EIPR1: variants seen among roughly 807,000 people sequenced by gnomAD.
The protein encoded by EIPR1 is EARP complex and GARP complex interacting protein 1.
In EIPR1, 25 loss-of-function variants were observed where a neutral mutation model predicts 48.1. The ratio of observed to expected loss-of-function variants is 0.52; its 90% confidence interval spans 0.38 to 0.73. EIPR1 has a LOEUF of 0.73. Ranked by LOEUF, EIPR1 falls within the 30% of genes least tolerant of loss-of-function variation. EIPR1 has a pLI of 0.00. For synonymous variants in EIPR1, 204 were observed against 201.9 expected, an observed-to-expected ratio of 1.01 and a Z score of -0.09; for missense variants, 415 against 506.2, an observed-to-expected ratio of 0.82 and a Z score of 1.73.
At chr2:3,283,002 C>T (rs1558271472) in intron 3 of EIPR1, among the ~76,000 whole-genome samples, 2 of 152,194 alleles carry the variant, frequency 1.3e-5, no homozygotes, top group East Asian at 3.8e-4. Flanking sequence ...GGTGATCTGT[C>T]CTTTTACTTA....
intron 3 of EIPR1, among the ~76,000 whole-genome samples, chr2:3,266,464 G>T (rs1172209066): frequency 6.6e-6 from 1 of 152,242 alleles, no homozygotes; most frequent in South Asian, 2.1e-4. Context: ...ATGCCTTAGG[G>T]ATGGCACCAT....
chr2:3,263,080 G>C (rs994600484), intron 3 of EIPR1, among the ~76,000 whole-genome samples: 1 of 152,242 alleles, frequency 6.6e-6, no homozygotes, highest in Admixed American at 6.5e-5. Context: ...CTGCTTTACA[G>C]ATCAATGAGT....
At chr2:3,192,704 GCC>G (rs1477950856) in intron 7 of EIPR1, 123 bp from the exon 8 acceptor site, 1 of 960,912 alleles carries the variant, frequency 1.0e-6, no homozygotes, top group Non-Finnish European at 1.5e-6. Flanking sequence ...CAGGCAATCG[GCC>G]CCCAGTCACA....
chr2:3,277,061 G>C (rs554514542), intron 3 of EIPR1, among the ~76,000 whole-genome samples: 1 of 152,280 alleles, frequency 6.6e-6, no homozygotes, highest in African/African-American at 2.4e-5. Context: ...GGAAAACTCG[G>C]GTGAATGTAC....
intron 2 of EIPR1, among the ~76,000 whole-genome samples, chr2:3,341,620 T>C (rs920035313): frequency 1.3e-5 from 2 of 150,398 alleles, no homozygotes; most frequent in Non-Finnish European, 3.0e-5. Flanking sequence ...TGTGGGTACA[T>C]GGCTATGGTG....
intron 4 of EIPR1, among the ~76,000 whole-genome samples, chr2:3,225,051 T>A (rs548020504): frequency 1.3e-5 from 2 of 152,332 alleles, no homozygotes; most frequent in South Asian, 4.1e-4. Context: ...GTTACGTGCA[T>A]ATCTATTTAC....
At chr2:3,195,900 C>T (rs1263952437) in intron 6 of EIPR1, among the ~76,000 whole-genome samples, 1 of 152,218 alleles carries the variant, frequency 6.6e-6, no homozygotes, top group African/African-American at 2.4e-5. Flanking sequence ...AAGCCACGGG[C>T]ATCTTTTTGT....
intron 3 of EIPR1, among the ~76,000 whole-genome samples, chr2:3,265,981 C>T (rs1380085036): frequency 6.6e-6 from 1 of 152,170 alleles, no homozygotes; most frequent in Non-Finnish European, 1.5e-5. Flanking sequence ...ACCTACTTTT[C>T]ACATGTTAAC....
intron 4 of EIPR1, among the ~76,000 whole-genome samples, chr2:3,222,716 G>A (rs1305089448): frequency 6.6e-6 from 1 of 152,162 alleles, no homozygotes; most frequent in Non-Finnish European, 1.5e-5. Context: ...GGCGTGGAGG[G>A]CCCTGAAGAA....
chr2:3,346,232 T>C (rs1219257939), intron 2 of EIPR1, among the ~76,000 whole-genome samples: 1 of 152,236 alleles, frequency 6.6e-6, no homozygotes, highest in Non-Finnish European at 1.5e-5. Flanking sequence ...TAGACGAAAC[T>C]GGCTGTGGGT....
intron 2 of EIPR1, among the ~76,000 whole-genome samples, chr2:3,354,292 A>C (rs1670664618): frequency 6.6e-6 from 1 of 152,252 alleles, no homozygotes; most frequent in African/African-American, 2.4e-5. Flanking sequence ...CATAAAGCCA[A>C]ATCTATATAA....
At chr2:3,346,568 G>T (rs1372373336) in intron 2 of EIPR1, among the ~76,000 whole-genome samples, 1 of 152,188 alleles carries the variant, frequency 6.6e-6, no homozygotes, top group African/African-American at 2.4e-5. Context: ...ATGTGTCAGG[G>T]ATCGCAAGGT....
At chr2:3,205,713 G>A (rs956377680) in intron 5 of EIPR1, among the ~76,000 whole-genome samples, 5 of 152,098 alleles carry the variant, frequency 3.3e-5, no homozygotes, top group African/African-American at 1.2e-4. Flanking sequence ...TCCCAGCTTT[G>A]AACGTGAATG....
intron 4 of EIPR1, among the ~76,000 whole-genome samples, chr2:3,231,181 T>A (rs1247008103): frequency 6.6e-6 from 1 of 152,252 alleles, no homozygotes; most frequent in Non-Finnish European, 1.5e-5. Context: ...TGCAACTGAT[T>A]CTTGTATGCA....
At chr2:3,335,983 A>T (rs1281658785) in intron 3 of EIPR1, among the ~76,000 whole-genome samples, 1 of 152,110 alleles carries the variant, frequency 6.6e-6, no homozygotes, top group Non-Finnish European at 1.5e-5. Flanking sequence ...TGCCCCTAAG[A>T]AAAGGCCGAG....
In EIPR1 at chr2:3,196,868, T is replaced by A. The variant is rs1297724262; in HGVS notation, c.653+13A>T. 2 of 1,612,462 alleles carry A rather than the reference T, an allele frequency of 1.2e-6. No homozygotes were observed. On this transcript the variant is annotated intron_variant, in intron 6 of 8. Coordinates refer to ENST00000382125, the MANE Select transcript of EIPR1 (RefSeq NM_003310.5). ...GAAAGGAAGTGGGGCCTGCGCCGGG[T>A]GGGCTCACTGACCTCATGCTCCGGG...
chr2:3,337,316 A>C (rs1670097717), intron 3 of EIPR1, among the ~76,000 whole-genome samples: 1 of 152,236 alleles, frequency 6.6e-6, no homozygotes, highest in East Asian at 1.9e-4. Context: ...GTACCTAAAA[A>C]GTCATTCAGC....
intron 3 of EIPR1, among the ~76,000 whole-genome samples, chr2:3,302,606 G>A (rs1668794110): frequency 6.6e-6 from 1 of 152,232 alleles, no homozygotes; most frequent in East Asian, 1.9e-4. Flanking sequence ...GACAGCGATG[G>A]CAGTGACGTG....
At chr2:3,350,677 A>C (rs73135144) in intron 2 of EIPR1, among the ~76,000 whole-genome samples, 28,709 of 152,134 alleles carry the variant, frequency 0.19, 3,680 homozygotes, top group South Asian at 0.36. Flanking sequence ...GAACAGCTCA[A>C]CAATGTCACA....
Sources: allele counts gnomAD v4.1 joint callset (sites outside exome capture counted in the v4.1 genomes callset), GRCh38; gene constraint gnomAD v4.1.1; transcripts MANE v1.5; gene names NCBI Gene and HGNC (gene_info 2026-07-23, HGNC 2026-07-21).